Variants in NFXL1 observed in about 807,000 individuals in gnomAD.
The protein encoded by NFXL1 is NF-X1-type zinc finger protein NFXL1.
Under a neutral mutation model 123.3 loss-of-function variants are expected in NFXL1, and 66 were observed. The observed-to-expected ratio is 0.54, with a 90% CI of 0.44 to 0.66. The LOEUF is 0.66. Ranked by LOEUF, NFXL1 falls within the 30% of genes least tolerant of loss-of-function variation. The pLI, the probability that NFXL1 is intolerant of heterozygous loss-of-function variation, is 0.00. For synonymous variants in NFXL1, 346 were observed against 360.8 expected (o/e 0.96, Z 0.46); for missense variants, 944 against 1,125.6 (o/e 0.84, Z 2.31).
intron 15 of NFXL1, 82 bp from the exon 16 acceptor site, chr4:47,879,199 T>TA (rs1396503953): frequency 1.8e-6 from 1 of 547,926 alleles, no homozygotes; most frequent in Non-Finnish European, 3.1e-6. Flanking sequence ...CTACTAGCAT[T>TA]AAAAAAATAA....
intron 13 of NFXL1, 55 bp from the exon 14 acceptor site, chr4:47,885,712 T>C: frequency 6.8e-7 from 1 of 1,471,002 alleles, no homozygotes; most frequent in Non-Finnish European, 9.5e-7. Context: ...AATAATTACA[T>C]CTAAAGGACA....
chr4:47,910,920 G>T lies in NFXL1; in HGVS notation c.310C>A (p.Gln104Lys). The change falls in exon 3 of 23, where the codon CAG (glutamine) becomes AAG (lysine). Residue 104 changes from glutamine to lysine, a missense_variant. Coordinates refer to ENST00000507489, the MANE Select transcript of NFXL1 (RefSeq NM_001278624.2). Reference protein sequence around the residue: ...QAAARKLVEEQFSSSSEEGDE... With the variant: ...QAAARKLVEEKFSSSSEEGDE... Reference sequence around the variant, plus strand: ...CCTTCTTCAGATGAAGAGCTAAACTGTTCTTCAACAAGTTTTCTGGCTGCA... The same window carrying T: ...CCTTCTTCAGATGAAGAGCTAAACTTTTCTTCAACAAGTTTTCTGGCTGCA... 6.2e-7 allele frequency: 1 copy of T among 1,607,478 alleles called. No homozygotes were observed. Among genetic ancestry groups the T allele is most frequent in the Non-Finnish European group, 8.5e-7 (1 of 1,176,730 alleles).
chr4:47,912,242 T>C (rs1737861923), intron 2 of NFXL1, among the ~76,000 whole-genome samples: 1 of 152,082 alleles, frequency 6.6e-6, no homozygotes. Flanking sequence ...AGATGATAAA[T>C]GTCATTAATA....
Position 47,885,945 on chromosome 4 carries a change from G to A in NFXL1, c.1598C>T (p.Thr533Ile). The A allele has an allele frequency of 1.9e-6, 3 of 1,613,422 alleles. No individual in the cohort carries two copies. The highest frequency in any genetic ancestry group is 2.5e-6 in the Non-Finnish European group (3 of 1,179,420). ...TVDVKCNCGN[T>I]KVTVPCGRER... ...TCGGCCACAGGGCACTGTCACCTTT[G>A]TATTGCCACAATTACACTTCACATC... Residue 533 changes from threonine to isoleucine, a missense_variant, in exon 13 of 23, where the codon ACA becomes ATA. This residue lies in a region of NFXL1 where 296 missense variants were observed against 395.1 expected (regional missense o/e 0.75). Transcript: ENST00000507489.
intron 15 of NFXL1, among the ~76,000 whole-genome samples, chr4:47,883,820 C>A (rs968886623): frequency 3.3e-5 from 5 of 152,196 alleles, no homozygotes; most frequent in East Asian, 3.8e-4. Flanking sequence ...CCCCTATACT[C>A]CATAACCTCT....
chr4:47,896,680 G>A, intron 9 of NFXL1, 33 bp from the exon 10 acceptor site: 3 of 1,488,140 alleles, frequency 2.0e-6, no homozygotes, highest in Non-Finnish European at 2.8e-6. Context: ...TGTTAATAAT[G>A]AGACATTATT....
chr4:47,880,025 C>T (rs975466356), intron 15 of NFXL1, among the ~76,000 whole-genome samples: 4 of 152,002 alleles, frequency 2.6e-5, no homozygotes, highest in African/African-American at 9.7e-5. Context: ...ACCAAAAGCA[C>T]AATCCATGAA....
At chr4:47,883,857 T>C (rs1375624722) in intron 15 of NFXL1, among the ~76,000 whole-genome samples, 1 of 152,204 alleles carries the variant, frequency 6.6e-6, no homozygotes, top group Non-Finnish European at 1.5e-5. Context: ...ATTCCAGGAT[T>C]CCGTATTACT....
Position 47,898,873 on chromosome 4 carries a change from T to A in NFXL1, c.989-16A>T, listed in dbSNP as rs1320364332. ...TGACAGCTTCCTAAAACCAGAATGA[T>A]AAATTAGCACAGAAACATAAAAGCA... is the stretch of plus-strand genomic sequence containing the variant. On this transcript the variant is annotated splice_polypyrimidine_tract_variant and intron_variant, in intron 7 of 22. Coordinates refer to ENST00000507489, the MANE Select transcript of NFXL1 (RefSeq NM_001278624.2). The A allele has an allele frequency of 6.2e-7, 1 of 1,611,944 alleles. No individual in the cohort carries two copies. The highest frequency in any genetic ancestry group is 1.1e-5 in the South Asian group (1 of 91,028).
intron 18 of NFXL1, among the ~76,000 whole-genome samples, chr4:47,871,946 A>G (rs1578005156): frequency 6.6e-6 from 1 of 152,230 alleles, no homozygotes; most frequent in African/African-American, 2.4e-5. Context: ...AGCTCACTTT[A>G]CGGACTGGAG....
At chr4:47,856,685 A>G (rs187497546) in intron 19 of NFXL1, among the ~76,000 whole-genome samples, 2 of 152,316 alleles carry the variant, frequency 1.3e-5, no homozygotes, top group East Asian at 1.9e-4. Context: ...CATTCATACT[A>G]AAACTAAATT....
intron 2 of NFXL1, among the ~76,000 whole-genome samples, chr4:47,912,818 C>T (rs566557128): frequency 7.0e-4 from 103 of 146,952 alleles, no homozygotes; most frequent in Non-Finnish European, 1.2e-3. Flanking sequence ...ACGGTGAAAC[C>T]CCGTCTCTAC....
At chr4:47,881,116 T>C (rs569176364) in intron 15 of NFXL1, among the ~76,000 whole-genome samples, 19 of 152,172 alleles carry the variant, frequency 1.2e-4, no homozygotes, top group Non-Finnish European at 7.4e-5. Context: ...TGGATATCTA[T>C]AGATATAGAT....
Position 47,899,298 on chromosome 4 carries a change from ATT to A in NFXL1, c.826+70_826+71del, listed in dbSNP as rs57320509. 1.0e-3 allele frequency: 1,132 copies of A among 1,127,336 alleles called. 3 individuals carry two copies. In the African/African-American group the frequency reaches 0.014, roughly 14 times the overall value. 69.8% of individuals were successfully genotyped at this position (1,127,336 alleles called of 1,614,324 possible). On this transcript the variant is annotated intron_variant, in intron 6 of 22. Transcript: ENST00000507489. ...CTAAACTGTGAATTCAACTTTTACA[ATT>A]TTTTTTTTTGCCTCAATATAAGAAG...
chr4:47,868,181 T>G (rs1048842745), intron 18 of NFXL1, among the ~76,000 whole-genome samples: 1 of 152,072 alleles, frequency 6.6e-6, no homozygotes, highest in African/African-American at 2.4e-5. Flanking sequence ...TAGCCAGGCG[T>G]GGCGGCGGGC....
In NFXL1 at chr4:47,910,944, C is replaced by A. The variant is rs750038338; in HGVS notation, c.286G>T (p.Ala96Ser). 6.2e-7 allele frequency: 1 copy of A among 1,608,736 alleles called. No individual in the cohort carries two copies. Among genetic ancestry groups the A allele is most frequent in the Non-Finnish European group, 8.5e-7 (1 of 1,177,846 alleles). The change falls in exon 3 of 23, where the codon GCA (alanine) becomes TCA (serine). Residue 96 changes from alanine to serine, a missense_variant. By Grantham distance (99) the Ala-to-Ser change is moderately conservative (BLOSUM62 1). Coordinates refer to ENST00000507489, the MANE Select transcript of NFXL1 (RefSeq NM_001278624.2). ...FEEIKKANQAAARKLVEEQFS... is the reference protein window; with the variant it reads ...FEEIKKANQASARKLVEEQFS... ...TGTTCTTCAACAAGTTTTCTGGCTG[C>A]AGCTTGGTTAGCTTTCTTGATTTCT...
Position 47,898,942 on chromosome 4 carries a change from T to A in NFXL1, c.988+17A>T, listed in dbSNP as rs925232867. Reference sequence around the variant, plus strand: ...TTTGCTTAAAGTCAGAAAAATCTAATGGGTATGGCCTTTTACCTGCATGAC... The same window carrying A: ...TTTGCTTAAAGTCAGAAAAATCTAAAGGGTATGGCCTTTTACCTGCATGAC... On this transcript the variant is annotated intron_variant, in intron 7 of 22. Coordinates refer to ENST00000507489, the MANE Select transcript of NFXL1 (RefSeq NM_001278624.2). 1 of 1,613,520 alleles carries A rather than the reference T, an allele frequency of 6.2e-7. No individual in the cohort carries two copies. The highest frequency in any genetic ancestry group is 1.3e-5 in the African/African-American group (1 of 74,902).
chr4:47,902,202 T>TA (rs199549864), intron 5 of NFXL1, among the ~76,000 whole-genome samples: 15 of 149,292 alleles, frequency 1.0e-4, no homozygotes, highest in Middle Eastern at 6.9e-3. Flanking sequence ...AAAATTAAAA[T>TA]AAAAAAAAAA....
chr4:47,886,105 CAAGAATG>C, intron 12 of NFXL1, 106 bp from the exon 13 acceptor site: 1 of 998,732 alleles, frequency 1.0e-6, no homozygotes, highest in Non-Finnish European at 1.5e-6. Context: ...TACTCTACAA[CAAGAATG>C]AAGAAACTAC....
Sources: gnomAD v4.1 joint callset for allele counts (sites outside exome capture counted in the v4.1 genomes callset) on GRCh38, gnomAD v4.1.1 for gene constraint, gnomAD v4.1.1 regional missense constraint, MANE v1.5 for transcripts, NCBI Gene and HGNC (gene_info 2026-07-23, HGNC 2026-07-21) for gene names.